The following MAPK6 variants were observed in gnomAD, a reference collection of about 807,000 sequenced individuals.
MAPK6 encodes ERK-3.
MAPK6 carries 19 observed loss-of-function variants against 59.3 expected under a neutral mutation model. The observed-to-expected ratio is 0.32, with a 90% CI of 0.22 to 0.47. The LOEUF (loss-of-function observed/expected upper bound fraction) is 0.47, where lower values mean the gene tolerates loss of function less well. Ranked by LOEUF, MAPK6 falls within the 20% of genes least tolerant of loss-of-function variation. MAPK6 has a pLI of 1.00. For synonymous variants in MAPK6, 316 were observed against 290.3 expected (o/e 1.09, Z -0.90); for missense variants, 724 against 847.9 (o/e 0.85, Z 1.81).
intron 3 of MAPK6, among the ~76,000 whole-genome samples, chr15:52,055,515 T>G (rs917846680): frequency 6.6e-6 from 1 of 152,154 alleles, no homozygotes; most frequent in Non-Finnish European, 1.5e-5. Flanking sequence ...CAAAGGGTTT[T>G]TTTGTTTGTT....
intron 1 of MAPK6, among the ~76,000 whole-genome samples, chr15:52,043,742 ATTTTTTTTTTTTTTTTTTT>A (rs71130125): frequency 1.5e-4 from 6 of 40,632 alleles, no homozygotes; most frequent in Admixed American, 8.1e-4. Context: ...AAGTTGTTTG[ATTTTTTTTTTTTTTTTTTT>A]TTTTTTTTTT....
At chr15:51,998,141 AC>A in intron 2 of MAPK6, among the ~76,000 whole-genome samples, 1 of 151,420 alleles carries the variant, frequency 6.6e-6, no homozygotes, top group Non-Finnish European at 1.5e-5. Flanking sequence ...ACGGGGTTTC[AC>A]CATGTTGGCC....
chr15:51,997,591 T>A (rs1167096300), intron 2 of MAPK6, among the ~76,000 whole-genome samples: 5 of 123,208 alleles, frequency 4.1e-5, no homozygotes, highest in African/African-American at 1.4e-4. Context: ...TCTTTCTTTC[T>A]TTTTTTTTTT....
chr15:51,990,812 G>C (rs1280624804), intron 2 of MAPK6, among the ~76,000 whole-genome samples: 6 of 152,228 alleles, frequency 3.9e-5, no homozygotes, highest in Non-Finnish European at 8.8e-5. Flanking sequence ...AAATTAGCCA[G>C]GCATGGTGGC....
chr15:52,065,264 G>A lies in MAPK6; in HGVS notation c.*264G>A, dbSNP rs779692504. The A allele has an allele frequency of 3.1e-6, 1 of 326,930 alleles. No homozygotes were observed. Among genetic ancestry groups the A allele is most frequent in the Middle Eastern group, 8.6e-4 (1 of 1,164 alleles). 20.3% of individuals were successfully genotyped at this position (326,930 alleles called of 1,614,324 possible). ...GGAGAAAAGAAATGCACTAAGACAA[G>A]AACATTCTCTCATAGAACATTGATC... is the stretch of plus-strand genomic sequence containing the variant. On this transcript the variant is annotated 3_prime_UTR_variant, in exon 6 of 6. Transcript: ENST00000261845.
At chr15:51,998,878 G>C (rs1186884715) in intron 2 of MAPK6, among the ~76,000 whole-genome samples, 5 of 149,464 alleles carry the variant, frequency 3.3e-5, no homozygotes, top group Admixed American at 1.3e-4. Flanking sequence ...TTTTAGTAGA[G>C]ACGGGGTTTC....
At chr15:52,054,765 G>T (rs879619964) in intron 3 of MAPK6, among the ~76,000 whole-genome samples, 1 of 141,398 alleles carries the variant, frequency 7.1e-6, no homozygotes, top group East Asian at 2.2e-4. Context: ...CACATACATA[G>T]ATACACACAT....
intron 3 of MAPK6, among the ~76,000 whole-genome samples, chr15:52,055,960 T>C (rs771565944): frequency 3.2e-4 from 49 of 152,246 alleles, no homozygotes; most frequent in Non-Finnish European, 5.4e-4. Flanking sequence ...AATGAAATGA[T>C]TGGAAAGATC....
chr15:52,028,872 ACTACT>A (rs1200263885), intron 1 of MAPK6, among the ~76,000 whole-genome samples: 1 of 152,118 alleles, frequency 6.6e-6, no homozygotes, highest in East Asian at 1.9e-4. Flanking sequence ...TACCACTAAA[ACTACT>A]CTAGTCAAGG....
intron 1 of MAPK6, among the ~76,000 whole-genome samples, chr15:51,982,187 T>G (rs75627910): frequency 0.015 from 2,322 of 152,332 alleles, 63 homozygotes; most frequent in African/African-American, 0.054. Flanking sequence ...AAAACTGCTC[T>G]GATTAGATCT....
At chr15:52,060,581 G>A (rs2032161436) in intron 4 of MAPK6, among the ~76,000 whole-genome samples, 1 of 152,172 alleles carries the variant, frequency 6.6e-6, no homozygotes, top group African/African-American at 2.4e-5. Flanking sequence ...AGGGTTGAAG[G>A]TTGATATCAT....
At chr15:52,040,063 A>G (rs2031369980) in intron 1 of MAPK6, among the ~76,000 whole-genome samples, 2 of 152,210 alleles carry the variant, frequency 1.3e-5, no homozygotes, top group South Asian at 4.1e-4. Context: ...ACCATACATT[A>G]GGAGCAAGGG....
chr15:52,019,444 C>CCGGCGGCGGCGGCGG (rs879025418), intron 1 of MAPK6, 68 bp downstream of exon 1: 2 of 146,382 alleles, frequency 1.4e-5, no homozygotes, highest in African/African-American at 4.9e-5. Flanking sequence ...CGCGGCGGGC[C>CCGGCGGCGGCGGCGG]CGGCGGCGGC....
intron 1 of MAPK6, 143 bp downstream of exon 1, chr15:52,019,519 GCTCAACA>G (rs1178171100): frequency 3.4e-5 from 5 of 146,840 alleles, no homozygotes; most frequent in Non-Finnish European, 7.6e-5. Flanking sequence ...GGCGGCTGCC[GCTCAACA>G]AAGGCGTTTT....
chr15:51,997,826 T>C (rs1165305300), intron 2 of MAPK6, among the ~76,000 whole-genome samples: 3 of 151,994 alleles, frequency 2.0e-5, no homozygotes. Context: ...TCCTGACCTC[T>C]GGCGATCCAC....
At chr15:52,020,061 A>G (rs897846368) in intron 1 of MAPK6, 3 of 152,210 alleles carry the variant, frequency 2.0e-5, no homozygotes, top group Non-Finnish European at 4.4e-5. Flanking sequence ...CGAAATTCCT[A>G]ATTTCCTCCC....
chr15:52,003,508 T>C (rs2057248874), intron 2 of MAPK6, among the ~76,000 whole-genome samples: 1 of 152,232 alleles, frequency 6.6e-6, no homozygotes, highest in Non-Finnish European at 1.5e-5. Context: ...AGCTGACAGC[T>C]GTGTGCTGAG....
intron 2 of MAPK6, among the ~76,000 whole-genome samples, chr15:52,048,040 T>C (rs1274801130): frequency 6.6e-6 from 1 of 152,182 alleles, no homozygotes; most frequent in Non-Finnish European, 1.5e-5. Context: ...GAGGTGGAGC[T>C]GCTTTGGTTG....
chr15:52,044,513 C>G (rs1566908733), intron 1 of MAPK6, among the ~76,000 whole-genome samples: 1 of 152,102 alleles, frequency 6.6e-6, no homozygotes. Context: ...TTTATTCTTT[C>G]TGCCTAAAAT....
Sources: allele counts gnomAD v4.1 joint callset (sites outside exome capture counted in the v4.1 genomes callset), GRCh38; gene constraint gnomAD v4.1.1; transcripts MANE v1.5; gene names NCBI Gene and HGNC (gene_info 2026-07-23, HGNC 2026-07-21).